Variants in PCGF3 observed in about 807,000 individuals in gnomAD.
PCGF3 encodes polycomb group ring finger 3, also known as polycomb group RING finger protein 3.
A neutral mutation model predicts 33.1 loss-of-function variants in PCGF3; 7 were observed. The observed-to-expected ratio is 0.21, with a 90% CI of 0.12 to 0.40. PCGF3 has a LOEUF of 0.40. Ranked by LOEUF, PCGF3 falls within the 10% of genes least tolerant of loss-of-function variation. PCGF3 has a pLI of 1.00. For synonymous variants in PCGF3, 153 were observed against 121.3 expected (o/e 1.26, Z -1.72); for missense variants, 211 against 313.3 (o/e 0.67, Z 2.46).
chr4:734,621 C>G, intron 4 of PCGF3: 1 of 1,228,668 alleles, frequency 8.1e-7, no homozygotes, highest in Non-Finnish European at 1.0e-6. Context: ...TCTGTTTTAG[C>G]CCATGTTCTG....
At chr4:737,648 C>T in intron 6 of PCGF3, 127 bp downstream of exon 6, 1 of 668,184 alleles carries the variant, frequency 1.5e-6, no homozygotes, top group Non-Finnish European at 2.7e-6. Context: ...GTCTTCTCAT[C>T]CCTGCTCTCA....
At chr4:719,543 G>A (rs1328449581) in intron 1 of PCGF3, among the ~76,000 whole-genome samples, 1 of 152,374 alleles carries the variant, frequency 6.6e-6, no homozygotes, top group East Asian at 1.9e-4. Context: ...GTTGGCGAGG[G>A]AGCTGTGTGT....
intron 9 of PCGF3, chr4:761,823 G>A (rs184315904): frequency 5.4e-5 from 53 of 985,422 alleles, no homozygotes; most frequent in East Asian, 2.3e-4. Flanking sequence ...CCTTGGCAGC[G>A]GGCGCACCAT....
chr4:765,153 G>A lies in PCGF3; in HGVS notation c.681+89G>A. On this transcript the variant is annotated intron_variant, in intron 10 of 10. Coordinates refer to ENST00000362003, the Ensembl canonical transcript of PCGF3. ...TTATCTAAAATGTTAAATGACTCCA[G>A]CTGGGTGCAGTGGCTCATGCCTGTA... 1.1e-5 allele frequency: 10 copies of A among 919,512 alleles called. No individual in the cohort carries two copies. The South Asian group carries it at 1.1e-4, about 11-fold the overall frequency. 57.0% of individuals were successfully genotyped at this position (919,512 alleles called of 1,614,324 possible).
intron 9 of PCGF3, chr4:761,798 G>T: frequency 1.0e-6 from 1 of 985,462 alleles, no homozygotes; most frequent in Non-Finnish European, 1.2e-6. Context: ...ACGAAGGAGT[G>T]CTGGCATGAG....
chr4:731,278 T>C (rs1743545164), intron 3 of PCGF3, 168 bp downstream of exon 3: 1 of 398,578 alleles, frequency 2.5e-6, no homozygotes, highest in Non-Finnish European at 4.4e-6. Flanking sequence ...GAGTCCAAGG[T>C]CCAGCCAGCT....
chr4:744,638 GCGGAGGAGAAGC>G (rs1222992615), exon 8 of PCGF3: 2 of 1,562,062 alleles, frequency 1.3e-6, no homozygotes, highest in Non-Finnish European at 1.7e-6. Context: ...CAAAGAGGCC[GCGGAGGAGAAGC>G]CGGAGGAGGA....
intron 8 of PCGF3, among the ~76,000 whole-genome samples, chr4:754,484 G>A (rs998532034): frequency 6.6e-6 from 1 of 152,220 alleles, no homozygotes; most frequent in African/African-American, 2.4e-5. Context: ...CCAGGCCAGA[G>A]CCCCTGGAGG....
intron 8 of PCGF3, among the ~76,000 whole-genome samples, chr4:748,091 G>A (rs1185326432): frequency 6.6e-6 from 1 of 152,164 alleles, no homozygotes; most frequent in Non-Finnish European, 1.5e-5. Context: ...TGAACGTCGA[G>A]GGCCTCTTCG....
intron 8 of PCGF3, among the ~76,000 whole-genome samples, chr4:749,804 C>T (rs1295442221): frequency 6.6e-6 from 1 of 151,640 alleles, no homozygotes; most frequent in African/African-American, 2.4e-5. Context: ...TTTTTTCTGA[C>T]ATCTTGAGTT....
chr4:734,001 GC>G, intron 4 of PCGF3: 1 of 1,550,996 alleles, frequency 6.4e-7, no homozygotes, highest in Non-Finnish European at 8.7e-7. Flanking sequence ...ATGAGGCCTC[GC>G]TTAGGAGAGC....
intron 8 of PCGF3, chr4:757,629 CTT>C (rs1744826539): frequency 1.3e-5 from 2 of 152,154 alleles, no homozygotes; most frequent in Admixed American, 6.5e-5. Flanking sequence ...AAAAATCAAA[CTT>C]TTTTAGCTGG....
rs1023465289 is a variant in PCGF3 at position 734,415 on chromosome 4, A to G, written c.110-516A>G. ...GATCTTTAAAATGAAGTGTACGCTT[A>G]TAATACAAGTGATGCTTGTGTATTT... is the stretch of plus-strand genomic sequence containing the variant. On this transcript the variant is annotated intron_variant, in intron 4 of 10. Transcript: ENST00000362003. 4.1e-5 allele frequency: 55 copies of G among 1,339,250 alleles called. No homozygotes were observed. The East Asian group carries it at 1.1e-3, about 28-fold the overall frequency. The allele number at this position is 1,339,250 out of a possible 1,614,324, so 83.0% of individuals were successfully genotyped here.
chr4:737,200 C>T (rs1577417573), intron 5 of PCGF3, among the ~76,000 whole-genome samples: 1 of 151,902 alleles, frequency 6.6e-6, no homozygotes, highest in South Asian at 2.1e-4. Context: ...CTGGGGTGTC[C>T]GGCAGACAGA....
chr4:716,040 C>A (rs1487319568), intron 1 of PCGF3, among the ~76,000 whole-genome samples: 1 of 128,672 alleles, frequency 7.8e-6, no homozygotes, highest in Non-Finnish European at 1.6e-5. Context: ...GAGAACTGGG[C>A]GTCGGTGCTG....
At position 709,852 on chromosome 4, in the gene PCGF3, G is replaced by A. The variant is rs181105311; in HGVS notation, c.-190+3882G>A. Among the ~76,000 whole-genome samples, 139 of 152,334 alleles carry A rather than the reference G, an allele frequency of 9.1e-4. 2 individuals carry two copies. The East Asian group carries it at 0.022, about 24-fold the overall frequency. On this transcript the variant is annotated intron_variant, in intron 1 of 10. Transcript: ENST00000362003. ...CTGCGTGGTCAGCCTGGACCTAGAAGCTCTTACTCGCCCAGTGTAACCGCC... is the reference window on the plus strand; with the variant it reads ...CTGCGTGGTCAGCCTGGACCTAGAAACTCTTACTCGCCCAGTGTAACCGCC...
chr4:717,942 C>T (rs942452407), intron 1 of PCGF3, among the ~76,000 whole-genome samples: 1 of 152,194 alleles, frequency 6.6e-6, no homozygotes, highest in Admixed American at 6.5e-5. Context: ...CTTGTGTGTT[C>T]GGGAATCCCG....
At chr4:733,816 G>A (rs1743720269) in intron 4 of PCGF3, 27 bp downstream of exon 4, 4 of 1,613,704 alleles carry the variant, frequency 2.5e-6, no homozygotes, top group Admixed American at 1.7e-5. Flanking sequence ...CGCCACCCAG[G>A]GAGGGCGCGC....
In PCGF3 at chr4:733,716, C is replaced by A. The variant is rs372489853; in HGVS notation, c.36C>A (p.Asn12Lys). Residue 12 changes from asparagine to lysine, a missense_variant, in exon 4 of 11, where the codon AAC becomes AAA. Physicochemically the swap from Asn to Lys is moderately conservative, Grantham distance 94 (BLOSUM62 0). This residue lies in a region of PCGF3 where 53 missense variants were observed against 106.5 expected (regional missense o/e 0.50). Transcript: ENST00000362003. ...GGAAGATCAAGCTGTGGGACATCAA[C>A]GCCCACATCACCTGCCGCCTGTGCA... is the stretch of plus-strand genomic sequence containing the variant. 3 of 1,610,776 alleles carry A rather than the reference C, an allele frequency of 1.9e-6. No individual in the cohort carries two copies. Among genetic ancestry groups the A allele is most frequent in the Non-Finnish European group, 2.5e-6 (3 of 1,179,864 alleles).
Sources: allele counts gnomAD v4.1 joint callset (sites outside exome capture counted in the v4.1 genomes callset), GRCh38; gene constraint gnomAD v4.1.1; regional missense constraint gnomAD v4.1.1; transcripts MANE v1.5; gene names NCBI Gene and HGNC (gene_info 2026-07-23, HGNC 2026-07-21).